ITGA9: variants seen among roughly 807,000 people sequenced by gnomAD.
ITGA9 encodes integrin subunit alpha 9.
ITGA9 carries 56 observed loss-of-function variants against 127.8 expected under a neutral mutation model. That is an observed-to-expected ratio of 0.44 (90% confidence interval 0.35 to 0.55). ITGA9 has a LOEUF of 0.55. Ranked by LOEUF, ITGA9 falls within the 20% of genes least tolerant of loss-of-function variation. The pLI is 0.00. For synonymous variants in ITGA9, 508 were observed against 514.5 expected (o/e 0.99, Z 0.17); for missense variants, 1,196 against 1,347.1 (o/e 0.89, Z 1.76).
chr3:37,681,471 GC>G (rs1363985886), intron 17 of ITGA9, among the ~76,000 whole-genome samples: 1 of 152,142 alleles, frequency 6.6e-6, no homozygotes, highest in Non-Finnish European at 1.5e-5. Flanking sequence ...TTAGGCAAGT[GC>G]CCACACCCTA....
intron 8 of ITGA9, among the ~76,000 whole-genome samples, chr3:37,512,795 GT>G (rs1416910519): frequency 2.6e-5 from 4 of 152,150 alleles, no homozygotes; most frequent in African/African-American, 9.7e-5. Flanking sequence ...GTGGGCTCCA[GT>G]TTGCCACAGT....
chr3:37,544,227 T>C (rs1699304364), intron 15 of ITGA9, among the ~76,000 whole-genome samples: 1 of 152,170 alleles, frequency 6.6e-6, no homozygotes, highest in Admixed American at 6.5e-5. Context: ...AGAGTGGCAA[T>C]AGTGAAGTGC....
intron 26 of ITGA9, among the ~76,000 whole-genome samples, chr3:37,798,389 C>T (rs1697199316): frequency 6.6e-6 from 1 of 152,174 alleles, no homozygotes; most frequent in Non-Finnish European, 1.5e-5. Flanking sequence ...ATTACATATC[C>T]TTTCAGTGTC....
chr3:37,653,774 A>G lies in ITGA9; in HGVS notation c.1900A>G (p.Lys634Glu), dbSNP rs749515576. The G allele has an allele frequency of 3.2e-5, 52 of 1,613,146 alleles. No individual in the cohort carries two copies. The highest frequency in any genetic ancestry group is 4.1e-5 in the Non-Finnish European group (48 of 1,179,282). ...TGCCGCAGACCTGCAGCTTCAGGGT[A>G]AACTGCTGCTCTCCAGGTATGTCGG... ...DCAADLQLQG[K>E]LLLSSMDEKT... The change falls in exon 17 of 28, where the codon AAA (lysine) becomes GAA (glutamate). Residue 634 changes from lysine to glutamate, a missense_variant. By Grantham distance (56) the Lys-to-Glu change is moderately conservative. Coordinates refer to ENST00000264741, the MANE Select transcript of ITGA9 (RefSeq NM_002207.3).
intron 16 of ITGA9, among the ~76,000 whole-genome samples, chr3:37,636,990 ATATCTCTGTTTTGG>A (rs1700285402): frequency 6.6e-6 from 1 of 152,056 alleles, no homozygotes; most frequent in Non-Finnish European, 1.5e-5. Context: ...CCATTGGTCT[ATATCTCTGTTTTGG>A]TACCAGTACC....
At chr3:37,813,373 G>A (rs1697391716) in intron 27 of ITGA9, among the ~76,000 whole-genome samples, 1 of 152,136 alleles carries the variant, frequency 6.6e-6, no homozygotes, top group African/African-American at 2.4e-5. Flanking sequence ...TTAGTTTAGT[G>A]TTTATCTTTA....
At chr3:37,817,493 C>T (rs1279217208) in intron 27 of ITGA9, among the ~76,000 whole-genome samples, 1 of 152,218 alleles carries the variant, frequency 6.6e-6, no homozygotes, top group Non-Finnish European at 1.5e-5. Flanking sequence ...GATTTGTCAT[C>T]AAGCTGGTTA....
intron 27 of ITGA9, chr3:37,807,886 TTCAGACAAAGGATGGGTGCCCTTAA>T (rs1697317818): frequency 6.6e-6 from 1 of 152,132 alleles, no homozygotes; most frequent in Non-Finnish European, 1.5e-5. Context: ...TTAAGATAAG[TTCAGACAAAGGATGGGTGCCCTTAA>T]TCAGGGTGGG....
At position 37,725,474 on chromosome 3, in the gene ITGA9, TAGGC is replaced by T. The variant is rs1357060581; in HGVS notation, c.2068-7234_2068-7231del. Among the ~76,000 whole-genome samples, 9 of 152,190 alleles carry T rather than the reference TAGGC, an allele frequency of 5.9e-5. No individual in the cohort carries two copies. In the South Asian group the frequency reaches 8.3e-4, roughly 14 times the overall value. On this transcript the variant is annotated intron_variant, in intron 18 of 27. Transcript: ENST00000264741. Reference sequence around the variant, plus strand: ...CACCATGTCATGTTCTGTAGGGAGATAGGCAGGGGAGTTGGGTCAGGAGAAGGAA... The same window carrying T: ...CACCATGTCATGTTCTGTAGGGAGATAGGGGAGTTGGGTCAGGAGAAGGAA...
At chr3:37,626,718 G>T (rs925972089) in intron 15 of ITGA9, among the ~76,000 whole-genome samples, 16 of 152,156 alleles carry the variant, frequency 1.1e-4, no homozygotes, top group Non-Finnish European at 2.1e-4. Flanking sequence ...GCCAGCTCAG[G>T]TATTGTAAGG....
At chr3:37,809,968 C>A (rs935568524) in intron 27 of ITGA9, among the ~76,000 whole-genome samples, 1 of 152,188 alleles carries the variant, frequency 6.6e-6, no homozygotes, top group African/African-American at 2.4e-5. Flanking sequence ...TAATTTCCTC[C>A]ATTCCTTTCA....
intron 16 of ITGA9, among the ~76,000 whole-genome samples, chr3:37,649,617 G>T (rs1165931608): frequency 1.3e-5 from 2 of 152,136 alleles, no homozygotes; most frequent in African/African-American, 2.4e-5. Context: ...ATAATAATAG[G>T]AGATTTCAGT....
intron 18 of ITGA9, among the ~76,000 whole-genome samples, chr3:37,717,284 T>C (rs938496526): frequency 1.3e-5 from 2 of 152,206 alleles, no homozygotes; most frequent in African/African-American, 2.4e-5. Flanking sequence ...CTATTCACAG[T>C]CTTTAAGCCT....
At chr3:37,604,102 A>C (rs531921585) in intron 15 of ITGA9, among the ~76,000 whole-genome samples, 8 of 152,216 alleles carry the variant, frequency 5.3e-5, no homozygotes, top group Non-Finnish European at 1.0e-4. Context: ...GTAAGACATC[A>C]TCAAGGTTCC....
intron 18 of ITGA9, among the ~76,000 whole-genome samples, chr3:37,692,139 C>T (rs1335097211): frequency 6.6e-6 from 1 of 151,972 alleles, no homozygotes; most frequent in Admixed American, 6.6e-5. Flanking sequence ...TTAAATGAGT[C>T]CTACACCATC....
Position 37,471,062 on chromosome 3 carries a change from C to A in ITGA9, c.241C>A (p.Pro81Thr), listed in dbSNP as rs1698425685. 1.9e-6 allele frequency: 3 copies of A among 1,614,118 alleles called. No individual in the cohort carries two copies. The highest frequency in any genetic ancestry group is 2.5e-6 in the Non-Finnish European group (3 of 1,179,990). Residue 81 changes from proline to threonine, a missense_variant, in exon 2 of 28, where the codon CCT becomes ACT. Pro to Thr is a conservative substitution (Grantham distance 38). Transcript: ENST00000264741. ...CAAATACAGCCCTTCAGTGAAGTCT[C>A]CTGGGGCTGTGTTTAAGTGCCGTGT... ...DSKYSPSVKS[P>T]GAVFKCRVHT...
At chr3:37,480,282 C>T (rs535489812) in intron 3 of ITGA9, among the ~76,000 whole-genome samples, 1 of 152,252 alleles carries the variant, frequency 6.6e-6, no homozygotes, top group South Asian at 2.1e-4. Flanking sequence ...GCTGGCACTG[C>T]TCCAGTGTCT....
chr3:37,731,084 C>T lies in ITGA9; in HGVS notation c.2068-1628C>T, dbSNP rs186845525. Reference sequence around the variant, plus strand: ...GCAGCAGCTACCAAACATCATTATCCGGCAGAATCACTAATTTTATCACTC... The same window carrying T: ...GCAGCAGCTACCAAACATCATTATCTGGCAGAATCACTAATTTTATCACTC... On this transcript the variant is annotated intron_variant, in intron 18 of 27. Transcript: ENST00000264741. Among the ~76,000 whole-genome samples the T allele has an allele frequency of 1.5e-4, 23 of 152,116 alleles. 1 individual carries two copies. Among genetic ancestry groups the T allele is most frequent in the South Asian group, 1.0e-3 (5 of 4,820 alleles).
chr3:37,533,542 C>T, intron 14 of ITGA9, 74 bp downstream of exon 14: 1 of 1,505,930 alleles, frequency 6.6e-7, no homozygotes, highest in Non-Finnish European at 9.1e-7. Flanking sequence ...TCCGATGTTC[C>T]CTGTCGCTGT....
Sources: gnomAD v4.1 joint callset for allele counts (sites outside exome capture counted in the v4.1 genomes callset) on GRCh38, gnomAD v4.1.1 for gene constraint, MANE v1.5 for transcripts, NCBI Gene and HGNC (gene_info 2026-07-23, HGNC 2026-07-21) for gene names.